Variants in SAMSN1 observed in about 807,000 individuals in gnomAD.
The protein encoded by SAMSN1 is SAM domain, SH3 domain and nuclear localization signals 1.
SAMSN1 carries 31 observed loss-of-function variants against 42.0 expected under a neutral mutation model. That is an observed-to-expected ratio of 0.74 (90% confidence interval 0.55 to 1.00). SAMSN1 has a LOEUF of 1.00. Among genes scored for constraint, SAMSN1 ranks in the 50% least tolerant of loss-of-function variants. The pLI, the probability that SAMSN1 is intolerant of heterozygous loss-of-function variation, is 0.00. For synonymous variants in SAMSN1, 178 were observed against 151.9 expected (o/e 1.17, Z -1.26); for missense variants, 464 against 439.4 (o/e 1.06, Z -0.50).
intron 1 of SAMSN1, among the ~76,000 whole-genome samples, chr21:14,654,581 A>G (rs460280): frequency 0.77 from 116,395 of 151,860 alleles, 45,148 homozygotes; most frequent in Middle Eastern, 0.89. Context: ...GCTATAAAAG[A>G]GGGCTGAAAA....
At chr21:14,515,306 A>T (rs1368493200) in intron 3 of SAMSN1, among the ~76,000 whole-genome samples, 1 of 152,228 alleles carries the variant, frequency 6.6e-6, no homozygotes, top group African/African-American at 2.4e-5. Context: ...GGAGTCCATA[A>T]GTAAACTCAC....
chr21:14,519,183 T>A (rs1988046804), intron 2 of SAMSN1, among the ~76,000 whole-genome samples: 1 of 152,204 alleles, frequency 6.6e-6, no homozygotes, highest in South Asian at 2.1e-4. Context: ...GTAAGGATTT[T>A]CATGTGTTGT....
intron 2 of SAMSN1, among the ~76,000 whole-genome samples, chr21:14,623,826 C>T (rs933838089): frequency 2.0e-5 from 3 of 152,144 alleles, no homozygotes; most frequent in African/African-American, 7.2e-5. Flanking sequence ...AATATACATT[C>T]TTTTCAGCAC....
At chr21:14,643,820 G>A (rs962948521) in intron 1 of SAMSN1, among the ~76,000 whole-genome samples, 3 of 152,284 alleles carry the variant, frequency 2.0e-5, no homozygotes, top group East Asian at 3.9e-4. Context: ...CTCCCCTACC[G>A]TGGCACCTGC....
At chr21:14,500,757 C>T (rs1224149811) in intron 5 of SAMSN1, 22 bp from the exon 6 acceptor site, 1 of 1,555,664 alleles carries the variant, frequency 6.4e-7, no homozygotes, top group African/African-American at 1.4e-5. Context: ...GAAATCCATA[C>T]ACATTAGATT....
intron 1 of SAMSN1, among the ~76,000 whole-genome samples, chr21:14,533,903 T>C (rs1979427629): frequency 6.6e-6 from 1 of 152,198 alleles, no homozygotes. Flanking sequence ...ACATCTCACC[T>C]AAGAGAAGTC....
chr21:14,549,509 G>C (rs372872611), upstream of SAMSN1, among the ~76,000 whole-genome samples: 8 of 151,980 alleles, frequency 5.3e-5, no homozygotes, highest in South Asian at 1.7e-3. Flanking sequence ...TGTATTGCTG[G>C]GTCAACCATG....
At chr21:14,637,572 A>C (rs1983498227) in intron 2 of SAMSN1, among the ~76,000 whole-genome samples, 1 of 152,208 alleles carries the variant, frequency 6.6e-6, no homozygotes, top group African/African-American at 2.4e-5. Context: ...GTCTTCAGGT[A>C]ATCCTTCAAT....
chr21:14,568,867 A>G (rs1296118956), intron 2 of SAMSN1, among the ~76,000 whole-genome samples: 1 of 152,186 alleles, frequency 6.6e-6, no homozygotes, highest in Non-Finnish European at 1.5e-5. Context: ...AACCTCCTTC[A>G]TAGTATCTTA....
At chr21:14,559,804 C>A (rs1472643196) in intron 2 of SAMSN1, among the ~76,000 whole-genome samples, 1 of 152,226 alleles carries the variant, frequency 6.6e-6, no homozygotes, top group East Asian at 1.9e-4. Context: ...CCAAGCCTGG[C>A]CTCAAAATCC....
rs1045293484 is a variant in SAMSN1 at position 14,618,891 on chromosome 21, C to A, written c.157-2875G>T. ...GTTAGGCAGTAATAATTCTTCTTACCTTTCATTCACTAGGGAATGTGTGGC... is the reference window on the plus strand; with the variant it reads ...GTTAGGCAGTAATAATTCTTCTTACATTTCATTCACTAGGGAATGTGTGGC... On this transcript the variant is annotated intron_variant, in intron 2 of 15. Transcript: ENST00000647101. 4.6e-5 allele frequency among the ~76,000 whole-genome samples: 7 copies of A among 152,150 alleles called. No homozygotes were observed. The East Asian group carries it at 1.2e-3, about 25-fold the overall frequency.
intron 2 of SAMSN1, among the ~76,000 whole-genome samples, chr21:14,552,439 C>G (rs1307771194): frequency 6.6e-6 from 1 of 152,008 alleles, no homozygotes; most frequent in Non-Finnish European, 1.5e-5. Flanking sequence ...GGGGACAGAG[C>G]CTTTATGGAT....
intron 7 of SAMSN1, among the ~76,000 whole-genome samples, chr21:14,494,241 C>T (rs1353544465): frequency 6.6e-6 from 1 of 152,166 alleles, no homozygotes; most frequent in African/African-American, 2.4e-5. Context: ...AATTACTCTA[C>T]TATAAAGACA....
rs568364550 is a variant in SAMSN1 at position 14,583,044 on chromosome 21, C to A, written c.-93+276G>T. Among the ~76,000 whole-genome samples, 32 of 151,866 alleles carry A rather than the reference C, an allele frequency of 2.1e-4. 1 individual carries two copies. In the South Asian group the frequency reaches 3.9e-3, roughly 19 times the overall value. ...TGAAATGGTTTTCAAAAAACAAGAACGACAAAAATTTAAAAAAGCCATATC... is the reference window on the plus strand; with the variant it reads ...TGAAATGGTTTTCAAAAAACAAGAAAGACAAAAATTTAAAAAAGCCATATC... On this transcript the variant is annotated intron_variant, in intron 1 of 8. Coordinates refer to the SAMSN1 transcript ENST00000285670.
At chr21:14,623,112 T>G (rs1177171687) in intron 2 of SAMSN1, among the ~76,000 whole-genome samples, 1 of 152,046 alleles carries the variant, frequency 6.6e-6, no homozygotes, top group East Asian at 1.9e-4. Flanking sequence ...CAAGAGCTCC[T>G]AAGGAAGCAC....
At chr21:14,618,339 A>G (rs561650779) in intron 2 of SAMSN1, among the ~76,000 whole-genome samples, 8 of 152,326 alleles carry the variant, frequency 5.3e-5, no homozygotes, top group African/African-American at 1.7e-4. Flanking sequence ...GGCACATTAA[A>G]TGTGGGTCTG....
At chr21:14,536,808 G>A (rs1287631369) in intron 1 of SAMSN1, among the ~76,000 whole-genome samples, 2 of 152,170 alleles carry the variant, frequency 1.3e-5, no homozygotes, top group Admixed American at 6.5e-5. Context: ...AGCAAGAATG[G>A]GACCGGACAG....
At position 14,524,042 on chromosome 21, in the gene SAMSN1, A is replaced by T. The variant is rs977035661; in HGVS notation, c.58-2821T>A. ...TCTAAATATTTAAAAGAACATTTAT[A>T]TTTGTTCATTATTCTCTAGTTTAAA... On this transcript the variant is annotated intron_variant, in intron 1 of 7. Transcript: ENST00000400566. 3.3e-5 allele frequency among the ~76,000 whole-genome samples: 5 copies of T among 152,192 alleles called. No individual in the cohort carries two copies. The East Asian group carries it at 7.7e-4, about 23-fold the overall frequency.
chr21:14,621,925 G>C (rs1318170445), intron 2 of SAMSN1, among the ~76,000 whole-genome samples: 1 of 152,214 alleles, frequency 6.6e-6, no homozygotes, highest in East Asian at 1.9e-4. Context: ...CTGAGATGAA[G>C]CTTCCAGAGG....
Sources: allele counts gnomAD v4.1 joint callset (sites outside exome capture counted in the v4.1 genomes callset), GRCh38; gene constraint gnomAD v4.1.1; transcripts MANE v1.5; gene names NCBI Gene and HGNC (gene_info 2026-07-23, HGNC 2026-07-21).